Variants in PLEKHG1 observed in about 807,000 individuals in gnomAD.
PLEKHG1 encodes pleckstrin homology and RhoGEF domain containing G1, also known as pleckstrin homology domain-containing family G member 1.
A neutral mutation model predicts 100.8 loss-of-function variants in PLEKHG1; 44 were observed. The ratio of observed to expected loss-of-function variants is 0.44; its 90% confidence interval spans 0.34 to 0.56. PLEKHG1 has a LOEUF of 0.56. PLEKHG1 is among the 20% of genes least tolerant of loss of function. PLEKHG1 has a pLI of 0.01. For missense variants in PLEKHG1, 1,545 were observed against 1,720.9 expected (o/e 0.90, Z 1.81); for synonymous variants, 640 against 662.5 (o/e 0.97, Z 0.52).
intron 2 of PLEKHG1, among the ~76,000 whole-genome samples, chr6:150,734,342 G>A (rs1211545192): frequency 3.9e-5 from 6 of 152,206 alleles, no homozygotes; most frequent in Admixed American, 2.6e-4. Context: ...CCAAGATGCT[G>A]TGTTAATAAA....
intron 3 of PLEKHG1, among the ~76,000 whole-genome samples, chr6:150,651,597 GC>G (rs1349687413): frequency 6.6e-6 from 1 of 151,676 alleles, no homozygotes; most frequent in Non-Finnish European, 1.5e-5. Flanking sequence ...AGTGGCTCAC[GC>G]CCCTAATCCC....
chr6:150,681,990 C>G (rs1042577765), intron 3 of PLEKHG1, among the ~76,000 whole-genome samples: 11 of 152,180 alleles, frequency 7.2e-5, no homozygotes, highest in Non-Finnish European at 4.4e-5. Flanking sequence ...TCTAAAAAGC[C>G]TATTAACACA....
chr6:150,656,990 A>C (rs1250855462), intron 3 of PLEKHG1, among the ~76,000 whole-genome samples: 5 of 152,288 alleles, frequency 3.3e-5, no homozygotes. Flanking sequence ...TGTTCCATGC[A>C]TAAAAGTGAT....
chr6:150,768,541 A>T, intron 2 of PLEKHG1, 97 bp from the exon 4 acceptor site: 1 of 702,118 alleles, frequency 1.4e-6, no homozygotes. Context: ...TAGTAAAATA[A>T]TTACTTGAAA....
intron 3 of PLEKHG1, among the ~76,000 whole-genome samples, chr6:150,769,635 C>T (rs1414419729): frequency 6.6e-6 from 1 of 151,048 alleles, no homozygotes; most frequent in African/African-American, 2.4e-5. Flanking sequence ...AACATAAGTT[C>T]GTAGACTGGT....
intron 3 of PLEKHG1, among the ~76,000 whole-genome samples, chr6:150,707,162 G>A (rs1313177606): frequency 6.6e-6 from 1 of 151,670 alleles, no homozygotes; most frequent in Non-Finnish European, 1.5e-5. Context: ...GCGCCACCAT[G>A]CCTGGCTAAT....
chr6:150,710,002 G>A (rs1190887099), intron 3 of PLEKHG1, among the ~76,000 whole-genome samples: 1 of 152,056 alleles, frequency 6.6e-6, no homozygotes, highest in African/African-American at 2.4e-5. Flanking sequence ...TGCCCAGGCT[G>A]GTGGGGATGG....
At chr6:150,678,250 C>T (rs1779829106) in intron 3 of PLEKHG1, among the ~76,000 whole-genome samples, 4 of 151,804 alleles carry the variant, frequency 2.6e-5, no homozygotes, top group Non-Finnish European at 5.9e-5. Flanking sequence ...CCTCCTGTCC[C>T]ACTGAAACTT....
intron 1 of PLEKHG1, among the ~76,000 whole-genome samples, chr6:150,607,849 A>G (rs551538558): frequency 3.9e-5 from 6 of 152,292 alleles, no homozygotes; most frequent in African/African-American, 1.4e-4. Flanking sequence ...GCTGATTAGT[A>G]CTGGCTCTCT....
chr6:150,793,381 C>T (rs1786107650), intron 4 of PLEKHG1, among the ~76,000 whole-genome samples: 1 of 152,094 alleles, frequency 6.6e-6, no homozygotes, highest in South Asian at 2.1e-4. Flanking sequence ...GAATGGGTGA[C>T]AGAGCAAGAC....
rs112747073 is a variant in PLEKHG1 at position 150,808,707 on chromosome 6, G to A, written c.913-398G>A. ...GTGGAGGTTGCAGTGAGCCCTGATCGCGCCACTTCCCTCCAGCCTGGGTGA... is the reference window on the plus strand; with the variant it reads ...GTGGAGGTTGCAGTGAGCCCTGATCACGCCACTTCCCTCCAGCCTGGGTGA... On this transcript the variant is annotated intron_variant, in intron 7 of 15. Transcript: ENST00000358517. 1.1e-3 allele frequency among the ~76,000 whole-genome samples: 173 copies of A among 152,178 alleles called. 1 individual carries two copies. Among genetic ancestry groups the A allele is most frequent in the African/African-American group, 3.6e-3 (151 of 41,506 alleles).
intron 2 of PLEKHG1, among the ~76,000 whole-genome samples, chr6:150,750,780 CAAAAAA>C (rs1158670858): frequency 2.7e-5 from 1 of 37,402 alleles, no homozygotes; most frequent in East Asian, 6.9e-4. Context: ...GACTCCATCT[CAAAAAA>C]AAAAAAAAAA....
intron 3 of PLEKHG1, among the ~76,000 whole-genome samples, chr6:150,668,316 A>G (rs960266407): frequency 2.0e-5 from 3 of 152,216 alleles, no homozygotes; most frequent in Non-Finnish European, 1.5e-5. Context: ...TGGATTCTTT[A>G]TGGCTCCCTC....
At chr6:150,679,834 G>A (rs1213445438) in intron 3 of PLEKHG1, among the ~76,000 whole-genome samples, 2 of 152,220 alleles carry the variant, frequency 1.3e-5, no homozygotes, top group Non-Finnish European at 2.9e-5. Flanking sequence ...AATACAGGTA[G>A]GCATTGTCAT....
chr6:150,686,760 C>T (rs1780147097), intron 3 of PLEKHG1: 4 of 152,398 alleles, frequency 2.6e-5, no homozygotes, highest in Admixed American at 2.6e-4. Flanking sequence ...GAGGAACTGC[C>T]CGGACCTGTC....
intron 3 of PLEKHG1, among the ~76,000 whole-genome samples, chr6:150,694,919 C>T (rs1041688447): frequency 1.3e-5 from 2 of 152,040 alleles, no homozygotes; most frequent in African/African-American, 4.8e-5. Context: ...AATTTTTATA[C>T]ATCTAAAGTT....
intron 2 of PLEKHG1, among the ~76,000 whole-genome samples, chr6:150,640,696 C>T (rs1466066586): frequency 1.3e-5 from 2 of 152,142 alleles, no homozygotes; most frequent in Non-Finnish European, 2.9e-5. Flanking sequence ...ACTGTTTCCA[C>T]TTTAGCCCTT....
chr6:150,834,059 T>A (rs1027365878), intron 15 of PLEKHG1, among the ~76,000 whole-genome samples: 2 of 152,196 alleles, frequency 1.3e-5, no homozygotes, highest in African/African-American at 4.8e-5. Context: ...AAAGTTTTAA[T>A]CTTCAGTACA....
At chr6:150,826,804 G>A (rs531206220) in intron 14 of PLEKHG1, among the ~76,000 whole-genome samples, 57 of 151,968 alleles carry the variant, frequency 3.8e-4, no homozygotes, top group Middle Eastern at 3.4e-3. Flanking sequence ...CACCACGCCC[G>A]GCTAACTCAT....
Sources: allele counts gnomAD v4.1 joint callset (sites outside exome capture counted in the v4.1 genomes callset), GRCh38; gene constraint gnomAD v4.1.1; transcripts MANE v1.5; gene names NCBI Gene and HGNC (gene_info 2026-07-23, HGNC 2026-07-21).